The following KDM1A variants were observed in gnomAD, a reference collection of about 807,000 sequenced individuals.
KDM1A encodes lysine-specific histone demethylase 1A.
KDM1A carries 49 observed loss-of-function variants against 109.4 expected under a neutral mutation model. The observed-to-expected ratio is 0.45, with a 90% confidence interval of 0.36 to 0.57. KDM1A has a LOEUF of 0.57. Among genes scored for constraint, KDM1A ranks in the 20% least tolerant of loss-of-function variants. KDM1A has a pLI of 0.00. For missense variants in KDM1A, 668 were observed against 1,116.6 expected (o/e 0.60, Z 5.73); for synonymous variants, 380 against 415.4 (o/e 0.91, Z 1.04).
At position 23,083,390 on chromosome 1, in the gene KDM1A, C is replaced by T. The variant is rs1376741875; in HGVS notation, c.*26C>T. The T allele has an allele frequency of 1.3e-6, 2 of 1,586,992 alleles. No individual in the cohort carries two copies. The highest frequency in any genetic ancestry group is 1.7e-6 in the Non-Finnish European group (2 of 1,162,748). On this transcript the variant is annotated 3_prime_UTR_variant, in exon 21 of 21. Coordinates refer to ENST00000400181, the MANE Select transcript of KDM1A (RefSeq NM_001009999.3). ...GACAGATGCATTCTAAGGGAAGAGG[C>T]CCATGTGCCTGTTTCTGCCATGTAA...
intron 15 of KDM1A, among the ~76,000 whole-genome samples, chr1:23,076,013 G>A (rs187294184): frequency 1.6e-3 from 244 of 152,306 alleles, no homozygotes; most frequent in East Asian, 6.4e-3. Context: ...TATTTGAAGA[G>A]TTGGACTTGT....
At position 23,057,462 on chromosome 1, in the gene KDM1A, G is replaced by A. The variant is rs770126841; in HGVS notation, c.991-22G>A. 4.8e-5 allele frequency: 77 copies of A among 1,593,580 alleles called. No homozygotes were observed. In the South Asian group the frequency reaches 8.3e-4, roughly 17 times the overall value. ...TGGTTAAAACAGAATTGATGATTTT[G>A]GCTACTTAATTTCTGAAACAGGATC... On this transcript the variant is annotated intron_variant, in intron 7 of 20. Coordinates refer to ENST00000400181, the MANE Select transcript of KDM1A (RefSeq NM_001009999.3).
intron 20 of KDM1A, chr1:23,082,602 T>C: frequency 2.5e-6 from 1 of 401,708 alleles, no homozygotes; most frequent in East Asian, 3.6e-5. Flanking sequence ...AAATAACATT[T>C]TTCCTTATTC....
intron 3 of KDM1A, among the ~76,000 whole-genome samples, chr1:23,045,149 C>T (rs1036045354): frequency 6.6e-6 from 1 of 152,124 alleles, no homozygotes; most frequent in Non-Finnish European, 1.5e-5. Flanking sequence ...TAAAATTTAT[C>T]CCAGCAATCC....
intron 3 of KDM1A, among the ~76,000 whole-genome samples, chr1:23,045,056 T>C (rs908721291): frequency 6.6e-6 from 1 of 152,234 alleles, no homozygotes; most frequent in African/African-American, 2.4e-5. Flanking sequence ...CTGAAATACT[T>C]TTTTCTGTTC....
chr1:23,052,285 T>C (rs1467447000), intron 4 of KDM1A, among the ~76,000 whole-genome samples: 2 of 152,226 alleles, frequency 1.3e-5, no homozygotes, highest in Non-Finnish European at 2.9e-5. Context: ...ACTGCAACTT[T>C]AGGATTATTG....
At chr1:23,025,759 T>C (rs987650572) in intron 1 of KDM1A, among the ~76,000 whole-genome samples, 3 of 152,134 alleles carry the variant, frequency 2.0e-5, no homozygotes, top group Non-Finnish European at 4.4e-5. Flanking sequence ...TAGAGCAGCA[T>C]TGAGGACTTT....
intron 3 of KDM1A, among the ~76,000 whole-genome samples, chr1:23,048,830 A>C (rs1424494749): frequency 6.6e-6 from 1 of 151,824 alleles, no homozygotes; most frequent in African/African-American, 2.4e-5. Context: ...AGTGCTTCCA[A>C]CTTCTTGTTT....
Position 23,083,563 on chromosome 1 carries a change from T to C in KDM1A, c.*199T>C. The C allele has an allele frequency of 2.2e-6, 1 of 461,492 alleles. No individual in the cohort carries two copies. Among genetic ancestry groups the C allele is most frequent in the Non-Finnish European group, 3.8e-6 (1 of 260,518 alleles). 28.6% of individuals were successfully genotyped at this position (461,492 alleles called of 1,614,324 possible). ...CACAGGGAGGAACTTGTCCATTAGT[T>C]TGGAATTGTGTTCTTCGTAAAGACT... On this transcript the variant is annotated 3_prime_UTR_variant, in exon 21 of 21. Coordinates refer to ENST00000400181, the MANE Select transcript of KDM1A (RefSeq NM_001009999.3).
chr1:23,031,467 T>C (rs551664322), intron 2 of KDM1A, among the ~76,000 whole-genome samples: 38 of 152,348 alleles, frequency 2.5e-4, no homozygotes, highest in Non-Finnish European at 4.9e-4. Context: ...CCTGTACCTT[T>C]TAAAAACAAA....
chr1:23,049,697 AAAG>A (rs1642608116), intron 3 of KDM1A, among the ~76,000 whole-genome samples: 1 of 152,206 alleles, frequency 6.6e-6, no homozygotes, highest in East Asian at 1.9e-4. Context: ...AAAAAAAAAA[AAAG>A]AGAAGAACGT....
intron 5 of KDM1A, 51 bp from the exon 6 acceptor site, chr1:23,055,018 T>A (rs564982198): frequency 8.7e-7 from 1 of 1,147,656 alleles, no homozygotes; most frequent in East Asian, 2.4e-5. Flanking sequence ...AGAAGAATAT[T>A]GTTTAAACTG....
At chr1:23,078,535 T>G (rs890197402) in intron 16 of KDM1A, among the ~76,000 whole-genome samples, 5 of 152,172 alleles carry the variant, frequency 3.3e-5, no homozygotes, top group Non-Finnish European at 1.5e-5. Flanking sequence ...CGCTCCACAG[T>G]TTTAGGCTGC....
Position 23,083,056 on chromosome 1 carries a change from G to A in KDM1A, c.2446-123G>A, listed in dbSNP as rs1643668213. The A allele has an allele frequency of 4.9e-6, 4 of 809,844 alleles. No individual in the cohort carries two copies. In the South Asian group the frequency reaches 7.0e-5, roughly 14 times the overall value. 50.2% of individuals were successfully genotyped at this position (809,844 alleles called of 1,614,324 possible). On this transcript the variant is annotated intron_variant, in intron 20 of 20. Coordinates refer to ENST00000400181, the MANE Select transcript of KDM1A (RefSeq NM_001009999.3). ...AAGGGAGACTCTTCGATAGAATGAT[G>A]AATAGTAATTGGGGGGGTCAGCCTT...
intron 2 of KDM1A, among the ~76,000 whole-genome samples, chr1:23,032,922 C>T (rs1027803655): frequency 3.9e-5 from 6 of 152,152 alleles, no homozygotes; most frequent in African/African-American, 4.8e-5. Flanking sequence ...TTTTTGGAGA[C>T]GGAGTCTCGC....
intron 1 of KDM1A, among the ~76,000 whole-genome samples, chr1:23,029,274 AC>A (rs1641903736): frequency 6.6e-6 from 1 of 152,220 alleles, no homozygotes; most frequent in African/African-American, 2.4e-5. Flanking sequence ...ATTTGTGGAA[AC>A]CATGTTGTCT....
intron 10 of KDM1A, among the ~76,000 whole-genome samples, chr1:23,068,206 C>G (rs929055929): frequency 6.6e-6 from 1 of 152,128 alleles, no homozygotes; most frequent in Non-Finnish European, 1.5e-5. Context: ...TGTCAGCCAG[C>G]TCAACTTAAT....
Position 23,079,209 on chromosome 1 carries a change from T to C in KDM1A, c.2055+32T>C, listed in dbSNP as rs774625137. 6.3e-7 allele frequency: 1 copy of C among 1,598,210 alleles called. No individual in the cohort carries two copies. Among genetic ancestry groups the C allele is most frequent in the Non-Finnish European group, 8.5e-7 (1 of 1,170,704 alleles). ...TGCCCTAGACACTCCTGTCTACAGA[T>C]CTGATGTACAAATAGCAGTCTTCGT... On this transcript the variant is annotated intron_variant, in intron 17 of 20. Transcript: ENST00000400181. The surrounding 1 kb of genome is among the most constrained non-coding windows in gnomAD (Gnocchi z 5.6).
chr1:23,035,498 G>C (rs148657510), intron 2 of KDM1A, among the ~76,000 whole-genome samples: 1 of 152,104 alleles, frequency 6.6e-6, no homozygotes, highest in African/African-American at 2.4e-5. Flanking sequence ...CACCATGCCC[G>C]GTCAGGCTGT....
Sources: allele counts gnomAD v4.1 joint callset (sites outside exome capture counted in the v4.1 genomes callset), GRCh38; gene constraint gnomAD v4.1.1; non-coding constraint Gnocchi (gnomAD v3.1); transcripts MANE v1.5; gene names NCBI Gene and HGNC (gene_info 2026-07-23, HGNC 2026-07-21).